Variants in KIF3A observed in about 807,000 individuals in gnomAD.
The protein encoded by KIF3A is kinesin-like protein KIF3A.
In KIF3A, 27 loss-of-function variants were observed where a neutral mutation model predicts 92.6. That is an observed-to-expected ratio of 0.29 (90% CI 0.21 to 0.40). The LOEUF (loss-of-function observed/expected upper bound fraction) is 0.40, where lower values mean the gene tolerates loss of function less well. KIF3A is among the 10% of genes least tolerant of loss of function. The probability of loss-of-function intolerance (pLI) is 1.00; values close to 1 mark genes in which losing one functional copy is unlikely to be tolerated. For synonymous variants in KIF3A, 250 were observed against 275.4 expected (o/e 0.91, Z 0.92); for missense variants, 581 against 872.6 (o/e 0.67, Z 4.21).
At chr5:132,703,745 T>A in intron 11 of KIF3A, 126 bp from the exon 12 acceptor site, 1 of 650,860 alleles carries the variant, frequency 1.5e-6, no homozygotes, top group Non-Finnish European at 2.5e-6. Flanking sequence ...ATCAATATTT[T>A]AAGGAAATCA....
intron 2 of KIF3A, among the ~76,000 whole-genome samples, chr5:132,729,742 A>G (rs938003986): frequency 6.6e-6 from 1 of 152,190 alleles, no homozygotes; most frequent in Non-Finnish European, 1.5e-5. Flanking sequence ...GGATGACACT[A>G]AAACAGTACT....
chr5:132,702,722 C>T, intron 13 of KIF3A, 54 bp from the exon 14 acceptor site: 3 of 1,388,878 alleles, frequency 2.2e-6, no homozygotes, highest in South Asian at 2.4e-5. Context: ...AATCAAATAT[C>T]TAATTCTTTA....
At chr5:132,703,679 A>G in intron 11 of KIF3A, 60 bp from the exon 12 acceptor site, 1 of 1,245,972 alleles carries the variant, frequency 8.0e-7, no homozygotes, top group Non-Finnish European at 1.1e-6. Context: ...AGACTTATAT[A>G]AATTACCTCC....
chr5:132,732,925 G>T (rs1005066724), intron 2 of KIF3A, among the ~76,000 whole-genome samples: 1 of 150,018 alleles, frequency 6.7e-6, no homozygotes, highest in South Asian at 2.1e-4. Context: ...AAAAAAAAAA[G>T]TAATGAATTG....
Position 132,716,861 on chromosome 5 carries a change from T to C in KIF3A, c.740A>G (p.His247Arg). Residue 247 changes from histidine to arginine, a missense_variant, in exon 6 of 19, where the codon CAT becomes CGT. Around this residue, in one of 5 missense-constraint regions of KIF3A, gnomAD observed 40 missense variants for 107.0 expected, o/e 0.37. Transcript: ENST00000403231. Reference protein sequence around the residue: ...GNMHVRMGKLHLVDLAGSERQ... With the variant: ...GNMHVRMGKLRLVDLAGSERQ... ...GTTACTTACAGCAAGATCTACAAGA[T>C]GGAGCTTCCCCATCCTGACATGCAT... The C allele has an allele frequency of 6.2e-7, 1 of 1,614,046 alleles. No individual in the cohort carries two copies. Among genetic ancestry groups the C allele is most frequent in the Non-Finnish European group, 8.5e-7 (1 of 1,179,946 alleles).
intron 18 of KIF3A, 60 bp downstream of exon 18, chr5:132,699,111 A>G (rs1752936489): frequency 1.4e-6 from 2 of 1,459,656 alleles, no homozygotes; most frequent in Non-Finnish European, 1.9e-6. Flanking sequence ...CTTCCTGTAC[A>G]TGTATCTAAT....
At chr5:132,724,857 T>TA (rs1213355540) in intron 4 of KIF3A, among the ~76,000 whole-genome samples, 2 of 14,548 alleles carry the variant, frequency 1.4e-4, no homozygotes, top group Non-Finnish European at 6.5e-4. Context: ...ATATATATAT[T>TA]AAAAAATCAT....
chr5:132,732,068 A>C (rs1754251411), intron 2 of KIF3A, among the ~76,000 whole-genome samples: 1 of 152,212 alleles, frequency 6.6e-6, no homozygotes, highest in Non-Finnish European at 1.5e-5. Context: ...ACATAAAAAA[A>C]CTACTAGAAT....
chr5:132,724,631 C>T (rs1368080501), intron 4 of KIF3A, among the ~76,000 whole-genome samples: 4 of 150,572 alleles, frequency 2.7e-5, no homozygotes, highest in Admixed American at 6.6e-5. Flanking sequence ...CATCACACAC[C>T]GGGGCCTGTT....
rs1435709421 is a variant in KIF3A, at chr5:132,720,822, A to G, written c.511-108T>C. 8.0e-6 allele frequency: 5 copies of G among 626,666 alleles called. No individual in the cohort carries two copies. In the Admixed American group the frequency reaches 9.2e-5, roughly 12 times the overall value. 38.8% of individuals were successfully genotyped at this position (626,666 alleles called of 1,614,324 possible). A position where few individuals can be genotyped will look rare whatever the true frequency, so the allele number is the denominator to read the frequency against. ...TACTAGACAGAGGGAATATACTGAT[A>G]AGATAGACACTGTTCCTACACGCAT... On this transcript the variant is annotated intron_variant, in intron 4 of 18. Coordinates refer to ENST00000403231, the MANE Select transcript of KIF3A (RefSeq NM_001300791.2).
At chr5:132,727,496 A>AC (rs1255186944) in intron 2 of KIF3A, among the ~76,000 whole-genome samples, 1 of 152,216 alleles carries the variant, frequency 6.6e-6, no homozygotes, top group Non-Finnish European at 1.5e-5. Flanking sequence ...AACAGTGTGG[A>AC]CAGCAAGAGC....
intron 8 of KIF3A, among the ~76,000 whole-genome samples, chr5:132,712,205 A>G (rs1318344030): frequency 2.6e-5 from 4 of 152,224 alleles, no homozygotes; most frequent in African/African-American, 9.6e-5. Flanking sequence ...CCATTCTCCT[A>G]CAGAAGGGAC....
At chr5:132,722,590 C>A (rs914379328) in intron 4 of KIF3A, among the ~76,000 whole-genome samples, 1 of 152,160 alleles carries the variant, frequency 6.6e-6, no homozygotes, top group Non-Finnish European at 1.5e-5. Flanking sequence ...GGTAAAAAAA[C>A]TACTTATAAT....
At position 132,695,387 on chromosome 5, in the gene KIF3A, G is replaced by C. The variant is rs1417922074; in HGVS notation, c.*1247C>G. ...GGGTTTCACCATGTTAGCCAGGCTG[G>C]TCTCGAACTCCTGACATCAAGTGAT... is the stretch of plus-strand genomic sequence containing the variant. On this transcript the variant is annotated 3_prime_UTR_variant, in exon 19 of 19. Transcript: ENST00000403231. The C allele has an allele frequency of 6.6e-6, 1 of 152,136 alleles. No homozygotes were observed. Among genetic ancestry groups the C allele is most frequent in the Non-Finnish European group, 1.5e-5 (1 of 68,054 alleles). The allele number at this position is 152,136 out of a possible 1,614,324, so 9.4% of individuals were successfully genotyped here.
chr5:132,726,722 T>C (rs915995900), intron 2 of KIF3A, among the ~76,000 whole-genome samples: 1 of 152,152 alleles, frequency 6.6e-6, no homozygotes, highest in African/African-American at 2.4e-5. Context: ...TAAGAATTAA[T>C]AAAAAGCATC....
chr5:132,701,411 A>G (rs1472393773), intron 15 of KIF3A, among the ~76,000 whole-genome samples: 1 of 151,038 alleles, frequency 6.6e-6, no homozygotes, highest in Non-Finnish European at 1.5e-5. Flanking sequence ...AGGCATGAGA[A>G]TCACTTGAAC....
intron 10 of KIF3A, among the ~76,000 whole-genome samples, chr5:132,708,299 A>G (rs1431369600): frequency 6.6e-6 from 1 of 151,858 alleles, no homozygotes; most frequent in Non-Finnish European, 1.5e-5. Flanking sequence ...AAAAAAAAAA[A>G]AGAAAGAACT....
In KIF3A at chr5:132,711,076, A is replaced by G; in HGVS notation, c.1130-19T>C. On this transcript the variant is annotated intron_variant, in intron 8 of 18. Transcript: ENST00000403231. The stretch of plus-strand genomic sequence containing the variant: ...TCTTCTCCTTGGACAGAAATTTAAT[A>G]CAATGTTTTTTATCCTGTACGAAGT... 1 of 1,607,132 alleles carries G rather than the reference A, an allele frequency of 6.2e-7. No homozygotes were observed. Among genetic ancestry groups the G allele is most frequent in the South Asian group, 1.1e-5 (1 of 90,924 alleles).
chr5:132,726,582 G>A lies in KIF3A; in HGVS notation c.281-84C>T. On this transcript the variant is annotated intron_variant, in intron 2 of 18. Transcript: ENST00000403231. ...TCTTAAAATTAATTCCTTTGACACT[G>A]TGATGTAATTTCTCCCCTGGATTCA... 2.5e-6 allele frequency: 3 copies of A among 1,223,058 alleles called. No individual in the cohort carries two copies. In the South Asian group the frequency reaches 4.1e-5, roughly 17 times the overall value. The allele number at this position is 1,223,058 out of a possible 1,614,324, so 75.8% of individuals were successfully genotyped here.
Sources: gnomAD v4.1 joint callset for allele counts (sites outside exome capture counted in the v4.1 genomes callset) on GRCh38, gnomAD v4.1.1 for gene constraint, gnomAD v4.1.1 regional missense constraint, MANE v1.5 for transcripts, NCBI Gene and HGNC (gene_info 2026-07-23, HGNC 2026-07-21) for gene names.